The following GANC variants were observed in gnomAD, a reference collection of about 807,000 sequenced individuals.
The protein encoded by GANC is neutral alpha-glucosidase C.
Under a neutral mutation model 124.2 loss-of-function variants are expected in GANC, and 117 were observed. That is an observed-to-expected ratio of 0.94 (90% CI 0.81 to 1.10). The LOEUF is 1.10. Among genes scored for constraint, GANC ranks in the 50% least tolerant of loss-of-function variants. GANC has a pLI of 0.00. For missense variants in GANC, 1,140 were observed against 1,095.0 expected (o/e 1.04, Z -0.58); for synonymous variants, 377 against 376.8 (o/e 1.00, Z -0.01).
Position 42,338,477 on chromosome 15 carries a change from C to G in GANC, c.1830C>G (p.Ile610Met), listed in dbSNP as rs776299315. The G allele has an allele frequency of 1.9e-6, 3 of 1,612,564 alleles. No individual in the cohort carries two copies. In the South Asian group the frequency reaches 3.3e-5, roughly 18 times the overall value. The change falls in exon 16 of 24, where the codon ATC becomes ATG. Residue 610 changes from isoleucine to methionine, a missense_variant. Coordinates refer to ENST00000318010, the MANE Select transcript of GANC (RefSeq NM_198141.3). ...TACTCACTCTCAGCATTACTGGGAT[C>G]TCTTTTTGCGGAGGTAAGATGAGTC... ...PMLLTLSITG[I>M]SFCGADIGGF...
intron 10 of GANC, among the ~76,000 whole-genome samples, chr15:42,320,986 G>T (rs1025589642): frequency 6.6e-6 from 1 of 152,120 alleles, no homozygotes; most frequent in Non-Finnish European, 1.5e-5. Flanking sequence ...TGTTTTTGTG[G>T]CTTTCTTCCT....
chr15:42,310,648 G>C, intron 9 of GANC, 45 bp from the exon 10 acceptor site: 1 of 1,591,382 alleles, frequency 6.3e-7, no homozygotes, highest in Non-Finnish European at 8.6e-7. Context: ...GGATGTTGCA[G>C]GTTAGAGGGA....
At chr15:42,306,720 A>G (rs1029458966) in intron 7 of GANC, 108 bp downstream of exon 7, 4 of 660,122 alleles carry the variant, frequency 6.1e-6, no homozygotes, top group Admixed American at 6.0e-5. Flanking sequence ...TGACTTTAAC[A>G]GAAGAACAGA....
At chr15:42,310,255 G>A in intron 8 of GANC, 28 bp from the exon 9 acceptor site, 1 of 1,507,022 alleles carries the variant, frequency 6.6e-7, no homozygotes, top group Non-Finnish European at 9.0e-7. Flanking sequence ...ATTTGTGATG[G>A]TAATTGATGA....
intron 19 of GANC, among the ~76,000 whole-genome samples, chr15:42,344,287 G>T (rs376106547): frequency 1.3e-5 from 2 of 152,206 alleles, no homozygotes; most frequent in South Asian, 2.1e-4. Flanking sequence ...GGCCCTGAGG[G>T]AGAATCTGTT....
intron 10 of GANC, among the ~76,000 whole-genome samples, chr15:42,315,842 C>T (rs1012116630): frequency 1.3e-5 from 2 of 152,048 alleles, no homozygotes; most frequent in Non-Finnish European, 2.9e-5. Flanking sequence ...ATGTCTCCAG[C>T]CTGCCTTCAG....
At chr15:42,351,206 C>T in intron 22 of GANC, 123 bp from the exon 23 acceptor site, 2 of 672,474 alleles carry the variant, frequency 3.0e-6, no homozygotes, top group South Asian at 1.8e-5. Flanking sequence ...AAATATGACT[C>T]CCATATGGAT....
rs60116980 is a variant in GANC, at chr15:42,339,305, AACACACACACACACAC to A, written c.1844-326_1844-311del. ...AATCAGTTGCCAACCACCCCCCTCCAACACACACACACACACACACACACACACACACACACACACA... is the reference window on the plus strand; with the variant it reads ...AATCAGTTGCCAACCACCCCCCTCCAACACACACACACACACACACACACA... On this transcript the variant is annotated intron_variant, in intron 16 of 23. Coordinates refer to ENST00000318010, the MANE Select transcript of GANC (RefSeq NM_198141.3). 8.3e-3 allele frequency among the ~76,000 whole-genome samples: 993 copies of A among 119,248 alleles called. 10 individuals are homozygous for A. The highest frequency in any genetic ancestry group is 0.013 in the Non-Finnish European group (712 of 56,482). The allele number at this position is 119,248 out of a possible 152,430, so 78.2% of individuals were successfully genotyped here.
In GANC at chr15:42,329,407, T is replaced by C. The variant is rs765076627; in HGVS notation, c.1602T>C (p.Asn534=). The C allele has an allele frequency of 4.3e-6, 7 of 1,613,784 alleles. No individual in the cohort carries two copies. In the African/African-American group the frequency reaches 5.3e-5, roughly 12 times the overall value. The change falls in exon 14 of 24, where the codon AAT becomes AAC. Residue 534 remains asparagine, a synonymous_variant. Coordinates refer to ENST00000318010, the MANE Select transcript of GANC (RefSeq NM_198141.3). ...TMQKNAIHHG[N]WEHRELHNIY... is the part of the protein sequence containing the mutation. ...AGAAGAATGCCATTCATCATGGCAA[T>C]TGGGAGCACAGAGAGCTCCACAACA...
chr15:42,349,310 C>T, intron 21 of GANC, 73 bp from the exon 22 acceptor site: 1 of 953,118 alleles, frequency 1.0e-6, no homozygotes, highest in Admixed American at 1.8e-5. Flanking sequence ...TGTTGTTACC[C>T]TTTAGGAGCT....
rs193269612 is a variant in GANC at position 42,305,501 on chromosome 15, G to A, written c.559-1045G>A. Among the ~76,000 whole-genome samples the A allele has an allele frequency of 3.6e-3, 550 of 152,358 alleles. 6 individuals carry two copies. Among genetic ancestry groups the A allele is most frequent in the African/African-American group, 0.013 (521 of 41,590 alleles). The stretch of plus-strand genomic sequence containing the variant: ...ATGAATGCTTTTACACTGTTGGTGG[G>A]AGTGTAAATTAGTTCAACCATTGTG... On this transcript the variant is annotated intron_variant, in intron 6 of 23. Transcript: ENST00000318010.
intron 15 of GANC, among the ~76,000 whole-genome samples, chr15:42,336,518 C>G (rs1566960334): frequency 6.6e-6 from 1 of 152,106 alleles, no homozygotes; most frequent in Non-Finnish European, 1.5e-5. Context: ...AAACCCAAAA[C>G]TATATAAAAA....
At chr15:42,324,424 C>G (rs1234590062) in intron 11 of GANC, among the ~76,000 whole-genome samples, 1 of 152,112 alleles carries the variant, frequency 6.6e-6, no homozygotes, top group Non-Finnish European at 1.5e-5. Flanking sequence ...AGCAATTCCA[C>G]TTGTGGGTAT....
intron 19 of GANC, 87 bp downstream of exon 19, chr15:42,343,241 G>C: frequency 8.6e-7 from 1 of 1,168,612 alleles, no homozygotes; most frequent in Non-Finnish European, 1.3e-6. Context: ...TTCATCATGT[G>C]TTTGTGAACA....
chr15:42,307,307 C>T (rs569952166), intron 7 of GANC, among the ~76,000 whole-genome samples: 20 of 151,456 alleles, frequency 1.3e-4, no homozygotes, highest in African/African-American at 4.8e-4. Flanking sequence ...TTCTCAGGCC[C>T]TCCTTTCTGT....
At chr15:42,313,842 G>A in intron 10 of GANC, 1 of 550,708 alleles carries the variant, frequency 1.8e-6, no homozygotes, top group South Asian at 2.2e-5. Context: ...CCTCCAAAGT[G>A]CTTCCTTGAA....
chr15:42,279,755 G>A (rs1249415193), intron 3 of GANC, among the ~76,000 whole-genome samples: 1 of 152,074 alleles, frequency 6.6e-6, no homozygotes, highest in African/African-American at 2.4e-5. Context: ...ATTAGGTCTG[G>A]GTCCCATAAC....
intron 4 of GANC, among the ~76,000 whole-genome samples, chr15:42,292,442 C>T (rs2051849183): frequency 1.3e-5 from 2 of 151,332 alleles, no homozygotes; most frequent in Non-Finnish European, 1.5e-5. Context: ...ATTTAATTCT[C>T]TCCAAAAACT....
At chr15:42,344,040 C>A (rs529452541) in intron 19 of GANC, among the ~76,000 whole-genome samples, 7 of 152,210 alleles carry the variant, frequency 4.6e-5, no homozygotes, top group Admixed American at 2.6e-4. Context: ...CTGAGCCAGG[C>A]CACGCTTGCT....
Sources: allele counts gnomAD v4.1 joint callset (sites outside exome capture counted in the v4.1 genomes callset), GRCh38; gene constraint gnomAD v4.1.1; transcripts MANE v1.5; gene names NCBI Gene and HGNC (gene_info 2026-07-23, HGNC 2026-07-21).